Variants in KIF18A observed in about 807,000 individuals in gnomAD.
KIF18A encodes kinesin family member 18A, also known as kinesin-like protein KIF18A.
In KIF18A, 67 loss-of-function variants were observed where a neutral mutation model predicts 103.3. The observed-to-expected ratio is 0.65, with a 90% CI of 0.53 to 0.79. KIF18A has a LOEUF of 0.79. Ranked by LOEUF, KIF18A falls within the 30% of genes least tolerant of loss-of-function variation. The probability of loss-of-function intolerance (pLI) is 0.00; values close to 1 mark genes in which losing one functional copy is unlikely to be tolerated. For synonymous variants in KIF18A, 367 were observed against 355.5 expected (o/e 1.03, Z -0.36); for missense variants, 1,032 against 1,062.5 (o/e 0.97, Z 0.40).
Position 28,041,236 on chromosome 11 carries a change from T to C in KIF18A, c.1949-4572A>G, listed in dbSNP as rs192736809. 5.9e-5 allele frequency among the ~76,000 whole-genome samples: 9 copies of C among 151,888 alleles called. No individual in the cohort carries two copies. In the Admixed American group the frequency reaches 5.9e-4, roughly 10 times the overall value. ...AAAATAAATTAGGATGATAAATTAA[T>C]TGTAAAGACAATAAAACAGAGAAAT... is the stretch of plus-strand genomic sequence containing the variant. On this transcript the variant is annotated intron_variant, in intron 13 of 16. Transcript: ENST00000263181.
chr11:28,028,706 C>T (rs1260308631), intron 15 of KIF18A, among the ~76,000 whole-genome samples: 6 of 151,640 alleles, frequency 4.0e-5, no homozygotes, highest in African/African-American at 9.7e-5. Flanking sequence ...GATAGAGACG[C>T]AAAAAACCCT....
rs574462288 is a variant in KIF18A at position 28,103,616 on chromosome 11, C to T, written c.-47+4448G>A. 6.6e-5 allele frequency among the ~76,000 whole-genome samples: 10 copies of T among 152,114 alleles called. No homozygotes were observed. In the East Asian group the frequency reaches 1.9e-3, roughly 29 times the overall value. ...GTTAATAGACTTTTACTTTATATCC[C>T]TATTCTCTCATAGAGAGTCTAGTAT... On this transcript the variant is annotated intron_variant, in intron 1 of 16. Coordinates refer to ENST00000263181, the MANE Select transcript of KIF18A (RefSeq NM_031217.4).
chr11:28,031,659 A>G (rs1850410981), intron 15 of KIF18A, among the ~76,000 whole-genome samples: 1 of 151,698 alleles, frequency 6.6e-6, no homozygotes, highest in South Asian at 2.1e-4. Context: ...ATGCACATGT[A>G]CCGTGGAACT....
At chr11:28,099,580 A>T (rs915725649) in intron 1 of KIF18A, among the ~76,000 whole-genome samples, 1 of 152,014 alleles carries the variant, frequency 6.6e-6, no homozygotes, top group Non-Finnish European at 1.5e-5. Context: ...AAACTTACAC[A>T]TTTTTTTTGT....
At chr11:28,083,291 C>G in intron 7 of KIF18A, 48 bp from the exon 8 acceptor site, 1 of 1,501,052 alleles carries the variant, frequency 6.7e-7, no homozygotes, top group Non-Finnish European at 8.8e-7. Flanking sequence ...ATAATAATCA[C>G]AGAGATAAAT....
intron 13 of KIF18A, among the ~76,000 whole-genome samples, chr11:28,054,289 C>A (rs564245751): frequency 2.0e-5 from 3 of 151,492 alleles, no homozygotes; most frequent in Non-Finnish European, 2.9e-5. Context: ...CGGCTCACTG[C>A]AGCCTCAACT....
chr11:28,082,734 A>G (rs886390516), intron 9 of KIF18A, 122 bp downstream of exon 9: 9 of 590,620 alleles, frequency 1.5e-5, no homozygotes, highest in Non-Finnish European at 2.6e-5. Flanking sequence ...GTATATATAA[A>G]ATTATAAACA....
chr11:28,094,414 G>A (rs559813708), intron 3 of KIF18A, among the ~76,000 whole-genome samples: 151 of 151,758 alleles, frequency 1.0e-3, no homozygotes, highest in Non-Finnish European at 1.8e-3. Context: ...CTGTATGAAG[G>A]GTATCTGGAA....
At position 28,059,304 on chromosome 11, in the gene KIF18A, T is replaced by A. The variant is rs148193601; in HGVS notation, c.1713-143A>T. ...TGAACTGAGTTCTAGTCTCAGATTG[T>A]CTTCACTTGCTTCCATATGACCTTG... On this transcript the variant is annotated intron_variant, in intron 12 of 16. Transcript: ENST00000263181. The A allele has an allele frequency of 2.5e-4, 169 of 680,458 alleles. 1 individual carries two copies. The East Asian group carries it at 4.5e-3, about 18-fold the overall frequency. 42.2% of individuals were successfully genotyped at this position (680,458 alleles called of 1,614,324 possible).
intron 13 of KIF18A, chr11:28,056,849 G>T: frequency 4.1e-6 from 1 of 241,754 alleles, no homozygotes. Flanking sequence ...TGTGTGCTGG[G>T]ACACATTTGA....
chr11:28,095,023 C>T (rs1339164145), intron 2 of KIF18A, among the ~76,000 whole-genome samples: 3 of 152,158 alleles, frequency 2.0e-5, no homozygotes, highest in African/African-American at 7.2e-5. Flanking sequence ...CCCGGCCCCC[C>T]ACTCTAACAA....
At chr11:28,024,199 A>AAAC (rs1389994334) in intron 15 of KIF18A, among the ~76,000 whole-genome samples, 1 of 151,160 alleles carries the variant, frequency 6.6e-6, no homozygotes, top group Non-Finnish European at 1.5e-5. Flanking sequence ...GTTAAAAAAA[A>AAAC]AAAAAAAAAA....
chr11:28,077,885 A>G (rs1851116027), intron 9 of KIF18A, among the ~76,000 whole-genome samples: 1 of 152,170 alleles, frequency 6.6e-6, no homozygotes, highest in Non-Finnish European at 1.5e-5. Flanking sequence ...AGTTTGATTC[A>G]TATTTCCAAA....
intron 13 of KIF18A, among the ~76,000 whole-genome samples, chr11:28,057,982 A>G (rs1274967874): frequency 1.3e-5 from 2 of 152,214 alleles, no homozygotes; most frequent in African/African-American, 4.8e-5. Flanking sequence ...AAAAAGCTTT[A>G]TGTAATACAT....
chr11:28,084,892 G>T (rs1192816776), intron 6 of KIF18A, 84 bp from the exon 7 acceptor site: 4 of 1,032,624 alleles, frequency 3.9e-6, no homozygotes, highest in Non-Finnish European at 5.8e-6. Flanking sequence ...ACTGTGGGGG[G>T]AGGATTACCT....
chr11:28,074,149 A>G (rs1851059756), intron 10 of KIF18A, among the ~76,000 whole-genome samples: 1 of 152,116 alleles, frequency 6.6e-6, no homozygotes. Flanking sequence ...CTTATCTCCA[A>G]AAATAAAATA....
At chr11:28,045,178 G>C (rs765173884) in intron 13 of KIF18A, among the ~76,000 whole-genome samples, 4 of 151,832 alleles carry the variant, frequency 2.6e-5, no homozygotes, top group African/African-American at 4.8e-5. Flanking sequence ...ACATAAAAAA[G>C]ACTTGAAAAA....
At chr11:28,084,926 G>A in intron 6 of KIF18A, 118 bp from the exon 7 acceptor site, 1 of 654,164 alleles carries the variant, frequency 1.5e-6, no homozygotes, top group Non-Finnish European at 2.6e-6. Context: ...AGAGACTGAA[G>A]GTATAAACTG....
intron 11 of KIF18A, among the ~76,000 whole-genome samples, chr11:28,067,856 G>A (rs765804579): frequency 1.1e-4 from 17 of 152,110 alleles, no homozygotes; most frequent in Admixed American, 5.2e-4. Flanking sequence ...GCTCCTAGTT[G>A]CTTAGCCCAC....
Sources: allele counts gnomAD v4.1 joint callset (sites outside exome capture counted in the v4.1 genomes callset), GRCh38; gene constraint gnomAD v4.1.1; transcripts MANE v1.5; gene names NCBI Gene and HGNC (gene_info 2026-07-23, HGNC 2026-07-21).